The following SYTL3 variants were observed in gnomAD, a reference collection of about 807,000 sequenced individuals.
The protein encoded by SYTL3 is synaptotagmin like 3.
Under a neutral mutation model 82.1 loss-of-function variants are expected in SYTL3, and 88 were observed. That is an observed-to-expected ratio of 1.07 (90% CI 0.90 to 1.28). The LOEUF (loss-of-function observed/expected upper bound fraction) is 1.28, where lower values mean the gene tolerates loss of function less well. Among genes scored for constraint, SYTL3 ranks in the 50% most tolerant of loss-of-function variants. SYTL3 has a pLI of 0.00. For missense variants in SYTL3, 831 were observed against 757.6 expected (o/e 1.10, Z -1.14); for synonymous variants, 311 against 289.4 (o/e 1.07, Z -0.76).
intron 13 of SYTL3, among the ~76,000 whole-genome samples, chr6:158,754,026 T>C (rs1442328919): frequency 1.3e-5 from 2 of 152,176 alleles, no homozygotes; most frequent in African/African-American, 4.8e-5. Context: ...AAAGTCTCGC[T>C]AGAAGCCAGT....
intron 12 of SYTL3, among the ~76,000 whole-genome samples, chr6:158,750,390 T>A (rs1788247623): frequency 6.6e-6 from 1 of 152,222 alleles, no homozygotes; most frequent in African/African-American, 2.4e-5. Context: ...ATTATAATGC[T>A]TCCAACCGTA....
chr6:158,761,940 C>T (rs1022325496), intron 15 of SYTL3, 136 bp from the exon 16 acceptor site: 1 of 631,866 alleles, frequency 1.6e-6, no homozygotes, highest in Non-Finnish European at 2.8e-6. Flanking sequence ...GCCCACTGCA[C>T]CACTCCCATC....
intron 12 of SYTL3, among the ~76,000 whole-genome samples, chr6:158,748,797 G>A (rs561352035): frequency 1.3e-5 from 2 of 150,386 alleles, no homozygotes; most frequent in African/African-American, 4.9e-5. Context: ...GTGAGCTGAG[G>A]TCACACCATT....
intron 11 of SYTL3, among the ~76,000 whole-genome samples, chr6:158,735,283 C>T (rs1309403115): frequency 6.6e-6 from 1 of 152,046 alleles, no homozygotes; most frequent in African/African-American, 2.4e-5. Context: ...TTATGCAATT[C>T]CCCATATACT....
In SYTL3 at chr6:158,763,511, T is replaced by C; in HGVS notation, c.1723+2T>C. 1 of 1,612,812 alleles carries C rather than the reference T, an allele frequency of 6.2e-7. No individual in the cohort carries two copies. Among genetic ancestry groups the C allele is most frequent in the Non-Finnish European group, 8.5e-7 (1 of 1,178,802 alleles). ...TTGGAGGAACCAGACTTGGTTCAAG[T>C]AAGTCTGAGACATTGAGCCCAAACG... On this transcript the variant is annotated splice_donor_variant, in intron 17 of 17. Coordinates refer to ENST00000611299, the MANE Select transcript of SYTL3 (RefSeq NM_001242394.2). LOFTEE classifies it high-confidence loss of function.
chr6:158,711,308 A>G, intron 8 of SYTL3, among the ~76,000 whole-genome samples: 1 of 152,210 alleles, frequency 6.6e-6, no homozygotes. Context: ...AGAAGGAATG[A>G]TAGGTGGCTT....
chr6:158,665,235 T>C (rs1478812612), intron 4 of SYTL3, among the ~76,000 whole-genome samples, 160 bp from the exon 5 acceptor site: 1 of 152,184 alleles, frequency 6.6e-6, no homozygotes, highest in Non-Finnish European at 1.5e-5. Context: ...CTCTGAGATG[T>C]TGAGTGAGAG....
At chr6:158,722,286 C>T (rs371364689) in intron 10 of SYTL3, among the ~76,000 whole-genome samples, 5 of 151,924 alleles carry the variant, frequency 3.3e-5, no homozygotes, top group East Asian at 1.9e-4. Context: ...TCAGCACCCC[C>T]GAGTAGCTGG....
At chr6:158,657,207 A>C (rs1390977122) in intron 2 of SYTL3, among the ~76,000 whole-genome samples, 1 of 152,034 alleles carries the variant, frequency 6.6e-6, no homozygotes, top group African/African-American at 2.4e-5. Flanking sequence ...GGACAGATCA[A>C]CTGAGGTCAG....
chr6:158,677,093 A>G (rs1235525962), intron 5 of SYTL3, among the ~76,000 whole-genome samples: 1 of 152,252 alleles, frequency 6.6e-6, no homozygotes, highest in Non-Finnish European at 1.5e-5. Context: ...GCTGCTATAA[A>G]GACACATGCA....
intron 9 of SYTL3, among the ~76,000 whole-genome samples, chr6:158,716,678 AT>A (rs1783467762): frequency 6.6e-6 from 1 of 152,220 alleles, no homozygotes; most frequent in African/African-American, 2.4e-5. Flanking sequence ...TGCAAGACTC[AT>A]TCTTGGGCAG....
chr6:158,690,224 A>T (rs1484470948), intron 6 of SYTL3, among the ~76,000 whole-genome samples: 1 of 152,246 alleles, frequency 6.6e-6, no homozygotes, highest in African/African-American at 2.4e-5. Context: ...AGGAGCTATG[A>T]GTAAAGGAAT....
intron 6 of SYTL3, among the ~76,000 whole-genome samples, chr6:158,689,372 A>G (rs912742897): frequency 7.9e-5 from 12 of 152,198 alleles, no homozygotes; most frequent in Non-Finnish European, 1.5e-4. Flanking sequence ...AATTCATCTC[A>G]TCACGAATAA....
At chr6:158,685,587 G>A (rs965066276) in intron 6 of SYTL3, among the ~76,000 whole-genome samples, 2 of 152,080 alleles carry the variant, frequency 1.3e-5, no homozygotes, top group Admixed American at 6.5e-5. Flanking sequence ...GGGAGGCCGA[G>A]GTGGGCAGAT....
intron 6 of SYTL3, among the ~76,000 whole-genome samples, chr6:158,704,418 C>T (rs1010621363): frequency 3.2e-4 from 49 of 152,244 alleles, no homozygotes; most frequent in African/African-American, 1.2e-3. Flanking sequence ...GTGCAGGAGC[C>T]GCAGCGGGGA....
At chr6:158,706,470 C>T (rs978529428) in intron 6 of SYTL3, among the ~76,000 whole-genome samples, 1 of 152,180 alleles carries the variant, frequency 6.6e-6, no homozygotes, top group Non-Finnish European at 1.5e-5. Flanking sequence ...AGCTTCGGCA[C>T]AGGAGCTAGA....
chr6:158,652,607 C>T (rs1370418818), intron 2 of SYTL3, among the ~76,000 whole-genome samples: 1 of 151,888 alleles, frequency 6.6e-6, no homozygotes, highest in African/African-American at 2.4e-5. Context: ...TGCAATGGCG[C>T]GATCTCAGCT....
chr6:158,707,288 G>T lies in SYTL3; in HGVS notation c.446+7G>T. 6.2e-7 allele frequency: 1 copy of T among 1,613,646 alleles called. No homozygotes were observed. On this transcript the variant is annotated splice_region_variant and intron_variant, in intron 7 of 17. Transcript: ENST00000611299. ...AATCTTATCAGAAGCTGAGGTGAGTGTTACAAAGGACAGACCGTCCCTGGC... is the reference window on the plus strand; with the variant it reads ...AATCTTATCAGAAGCTGAGGTGAGTTTTACAAAGGACAGACCGTCCCTGGC...
chr6:158,733,322 A>G (rs1388891301), intron 11 of SYTL3, among the ~76,000 whole-genome samples: 1 of 151,878 alleles, frequency 6.6e-6, no homozygotes, highest in Non-Finnish European at 1.5e-5. Context: ...TATTGTCTAT[A>G]CTTTTTTTAT....
Sources: allele counts gnomAD v4.1 joint callset (sites outside exome capture counted in the v4.1 genomes callset), GRCh38; gene constraint gnomAD v4.1.1; transcripts MANE v1.5; gene names NCBI Gene and HGNC (gene_info 2026-07-23, HGNC 2026-07-21).